Variants in GM2A observed in about 807,000 individuals in gnomAD.
The protein encoded by GM2A is GM2 ganglioside activator.
Under a neutral mutation model 12.9 loss-of-function variants are expected in GM2A, and 7 were observed. That is an observed-to-expected ratio of 0.54 (90% CI 0.31 to 1.02). The LOEUF (loss-of-function observed/expected upper bound fraction) is 1.02, where lower values mean the gene tolerates loss of function less well. Ranked by LOEUF, GM2A falls within the 50% of genes least tolerant of loss-of-function variation. The probability of loss-of-function intolerance (pLI) is 0.05; values close to 1 mark genes in which losing one functional copy is unlikely to be tolerated. For synonymous variants in GM2A, 101 were observed against 96.0 expected (o/e 1.05, Z -0.30); for missense variants, 246 against 241.0 (o/e 1.02, Z -0.14).
At position 151,270,251 on chromosome 5, in the gene GM2A, C is replaced by T. The variant is rs575340052; in HGVS notation, c.*2800C>T. On this transcript the variant is annotated 3_prime_UTR_variant, in exon 4 of 4. Transcript: ENST00000357164. ...TCACACCATATGCAAGAATGAACTC[C>T]ATCTGGATCCAGGATCCAAATGTAA... 1.1e-5 allele frequency: 5 copies of T among 462,730 alleles called. No homozygotes were observed. Among genetic ancestry groups the T allele is most frequent in the African/African-American group, 1.0e-4 (5 of 49,858 alleles). 28.7% of individuals were successfully genotyped at this position (462,730 alleles called of 1,614,324 possible).
rs770518416 is a variant in GM2A, at chr5:151,270,146, G to T, written c.*2695G>T. On this transcript the variant is annotated 3_prime_UTR_variant, in exon 4 of 4. Transcript: ENST00000357164. ...GGAGTTAAAGGTGGCATCTTCAATC[G>T]CAGGTCAAAGCAGACTTTAATAAAT... 2 of 1,219,008 alleles carry T rather than the reference G, an allele frequency of 1.6e-6. No homozygotes were observed. The highest frequency in any genetic ancestry group is 2.0e-6 in the Non-Finnish European group (2 of 978,210). The allele number at this position is 1,219,008 out of a possible 1,614,324, so 75.5% of individuals were successfully genotyped here.
chr5:151,255,872 T>C (rs1268766309), intron 1 of GM2A, among the ~76,000 whole-genome samples: 8 of 152,016 alleles, frequency 5.3e-5, no homozygotes, highest in Admixed American at 3.9e-4. Context: ...CCTACAAACT[T>C]GTTGTATATG....
intron 1 of GM2A, among the ~76,000 whole-genome samples, 187 bp downstream of exon 1, chr5:151,253,484 C>T (rs1753629293): frequency 1.3e-5 from 2 of 152,198 alleles, no homozygotes; most frequent in Admixed American, 1.3e-4. Flanking sequence ...AAGACTTGTT[C>T]TGCTCCAGGC....
rs1453216392 is a variant in GM2A, at chr5:151,253,238, C to G, written c.22C>G (p.Pro8Ala). The change falls in exon 1 of 4, where the codon CCC (proline) becomes GCC (alanine). Residue 8 changes from proline (P) to alanine (A), a missense_variant. Pro to Ala is a conservative substitution (Grantham distance 27). Transcript: ENST00000357164. MQSLMQA[P>A]LLIALGLLLA... ...CCCGATGCAGTCCCTGATGCAGGCT[C>G]CCCTCCTGATCGCCCTGGGCTTGCT... 1.2e-6 allele frequency: 2 copies of G among 1,613,856 alleles called. No homozygotes were observed. The highest frequency in any genetic ancestry group is 1.7e-5 in the Admixed American group (1 of 60,012).
In GM2A at chr5:151,261,526, C is replaced by T. The variant is rs1270616375; in HGVS notation, c.243+1610C>T. The stretch of plus-strand genomic sequence containing the variant: ...CAATCTCAGCTCCCTGCAACCTCCA[C>T]TTCCCGGGTTCAAGCGATTCTCCTG... On this transcript the variant is annotated intron_variant, in intron 2 of 3. Coordinates refer to ENST00000357164, the MANE Select transcript of GM2A (RefSeq NM_000405.5). Among the ~76,000 whole-genome samples the T allele has an allele frequency of 2.6e-5, 4 of 152,354 alleles. No homozygotes were observed. In the East Asian group the frequency reaches 7.7e-4, roughly 29 times the overall value.
At chr5:151,258,602 C>G (rs1268164058) in intron 1 of GM2A, among the ~76,000 whole-genome samples, 1 of 152,198 alleles carries the variant, frequency 6.6e-6, no homozygotes, top group Non-Finnish European at 1.5e-5. Flanking sequence ...GCCCTAACTT[C>G]TGCTTGGTCA....
intron 2 of GM2A, among the ~76,000 whole-genome samples, chr5:151,261,118 G>C (rs547709466): frequency 6.6e-6 from 1 of 152,222 alleles, no homozygotes; most frequent in Admixed American, 6.5e-5. Flanking sequence ...TTGACCTCCT[G>C]GGCTTAAGGG....
At position 151,268,646 on chromosome 5, in the gene GM2A, A is replaced by G; in HGVS notation, c.*1195A>G. 4 of 693,738 alleles carry G rather than the reference A, an allele frequency of 5.8e-6. No homozygotes were observed. The highest frequency in any genetic ancestry group is 6.5e-5 in the South Asian group (1 of 15,466). The allele number at this position is 693,738 out of a possible 1,614,324, so 43.0% of individuals were successfully genotyped here. ...TGAAGACAACTGCCAGATACTGGCAATACTCCAGCCTGGTGACAGAGTGAG... is the reference window on the plus strand; with the variant it reads ...TGAAGACAACTGCCAGATACTGGCAGTACTCCAGCCTGGTGACAGAGTGAG... On this transcript the variant is annotated 3_prime_UTR_variant, in exon 4 of 4. Transcript: ENST00000357164.
intron 1 of GM2A, among the ~76,000 whole-genome samples, chr5:151,254,167 CTT>C (rs1753641593): frequency 6.6e-6 from 1 of 152,108 alleles, no homozygotes; most frequent in Admixed American, 6.5e-5. Context: ...TTGATGGACA[CTT>C]AGGTTATTTC....
At chr5:151,254,470 C>T (rs771154803) in intron 1 of GM2A, among the ~76,000 whole-genome samples, 3 of 152,188 alleles carry the variant, frequency 2.0e-5, no homozygotes, top group Non-Finnish European at 4.4e-5. Flanking sequence ...ACCTCAGTCT[C>T]CTGAGTAGCT....
Position 151,269,979 on chromosome 5 carries a change from T to A in GM2A, c.*2528T>A. 3 of 1,221,678 alleles carry A rather than the reference T, an allele frequency of 2.5e-6. No homozygotes were observed. Among genetic ancestry groups the A allele is most frequent in the Non-Finnish European group, 3.1e-6 (3 of 982,104 alleles). 75.7% of individuals were successfully genotyped at this position (1,221,678 alleles called of 1,614,324 possible). On this transcript the variant is annotated 3_prime_UTR_variant, in exon 4 of 4. Transcript: ENST00000357164. ...AATGACCTCCACAGCCGTTTCCCTC[T>A]GTTGGATCTTCCAGCCTTATTCTCA...
At chr5:151,261,285 A>C (rs928542642) in intron 2 of GM2A, among the ~76,000 whole-genome samples, 5 of 152,184 alleles carry the variant, frequency 3.3e-5, no homozygotes, top group Non-Finnish European at 5.9e-5. Flanking sequence ...TCAGACTCTC[A>C]AAATGTTGGG....
chr5:151,267,231 G>A, intron 3 of GM2A, 65 bp from the exon 4 acceptor site: 1 of 1,604,946 alleles, frequency 6.2e-7, no homozygotes, highest in Middle Eastern at 1.7e-4. Context: ...TCCTAGCAGT[G>A]GCTCTAGGAG....
chr5:151,257,175 C>G (rs149116857), intron 1 of GM2A, among the ~76,000 whole-genome samples: 129 of 152,200 alleles, frequency 8.5e-4, no homozygotes, highest in African/African-American at 2.8e-3. Flanking sequence ...CACTAGTTGG[C>G]CTAGGCTGGA....
intron 1 of GM2A, among the ~76,000 whole-genome samples, chr5:151,254,444 C>T (rs1198518932): frequency 6.6e-6 from 1 of 152,184 alleles, no homozygotes; most frequent in East Asian, 1.9e-4. Flanking sequence ...AACTCCTGGG[C>T]TCAAGCAGTC....
At chr5:151,266,034 T>A (rs1356619761) in intron 2 of GM2A, among the ~76,000 whole-genome samples, 1 of 152,168 alleles carries the variant, frequency 6.6e-6, no homozygotes, top group Admixed American at 6.5e-5. Context: ...CTACCTGAAG[T>A]CCTATGCAGA....
chr5:151,255,888 G>T (rs1325509415), intron 1 of GM2A, among the ~76,000 whole-genome samples: 1 of 152,128 alleles, frequency 6.6e-6, no homozygotes. Flanking sequence ...ATATGCTGTG[G>T]GTATGGATGC....
At chr5:151,254,246 G>A (rs1753642676) in intron 1 of GM2A, among the ~76,000 whole-genome samples, 1 of 152,184 alleles carries the variant, frequency 6.6e-6, no homozygotes, top group African/African-American at 2.4e-5. Context: ...TCGAAATGTT[G>A]ATTTCAGTTC....
chr5:151,260,207 G>A (rs1362183032), intron 2 of GM2A, among the ~76,000 whole-genome samples: 1 of 152,196 alleles, frequency 6.6e-6, no homozygotes, highest in African/African-American at 2.4e-5. Context: ...GTGGCCAACT[G>A]CTCATTATTG....
Sources: allele counts gnomAD v4.1 joint callset (sites outside exome capture counted in the v4.1 genomes callset), GRCh38; gene constraint gnomAD v4.1.1; transcripts MANE v1.5; gene names NCBI Gene and HGNC (gene_info 2026-07-23, HGNC 2026-07-21).